The following CCSER1 variants were observed in gnomAD, a reference collection of about 807,000 sequenced individuals.
CCSER1 encodes coiled-coil serine rich protein 1, also known as serine-rich coiled-coil domain-containing protein 1.
CCSER1 carries 41 observed loss-of-function variants against 82.0 expected under a neutral mutation model. The observed-to-expected ratio is 0.50, with a 90% CI of 0.39 to 0.65. CCSER1 has a LOEUF of 0.65. CCSER1 is among the 30% of genes least tolerant of loss of function. CCSER1 has a pLI of 0.00. For synonymous variants in CCSER1, 414 were observed against 383.9 expected, an observed-to-expected ratio of 1.08 and a Z score of -0.92; for missense variants, 1,119 against 1,064.2, an observed-to-expected ratio of 1.05 and a Z score of -0.72.
chr4:91,135,212 T>G (rs1728357912), intron 10 of CCSER1, among the ~76,000 whole-genome samples: 1 of 152,184 alleles, frequency 6.6e-6, no homozygotes, highest in East Asian at 1.9e-4. Context: ...ATATCTGTGA[T>G]GAAGTACAGA....
chr4:91,155,055 C>T (rs975814866), intron 10 of CCSER1, among the ~76,000 whole-genome samples: 1 of 151,130 alleles, frequency 6.6e-6, no homozygotes, highest in African/African-American at 2.4e-5. Context: ...ATCCTAAAAC[C>T]TAGAGGCTTA....
chr4:91,301,055 A>G (rs1744625713), intron 10 of CCSER1, among the ~76,000 whole-genome samples: 1 of 151,900 alleles, frequency 6.6e-6, no homozygotes, highest in Non-Finnish European at 1.5e-5. Flanking sequence ...ATACTAGGGC[A>G]AGATGGCTTT....
chr4:90,731,764 A>C (rs1264147049), intron 7 of CCSER1, among the ~76,000 whole-genome samples: 2 of 152,200 alleles, frequency 1.3e-5, no homozygotes, highest in Non-Finnish European at 2.9e-5. Context: ...TGTAATACAA[A>C]ATGATAGTTT....
intron 7 of CCSER1, among the ~76,000 whole-genome samples, chr4:90,773,188 C>T (rs1370022785): frequency 1.3e-5 from 2 of 152,118 alleles, no homozygotes; most frequent in Non-Finnish European, 2.9e-5. Flanking sequence ...TGCGGTTAGC[C>T]GAGTTCACGC....
intron 9 of CCSER1, among the ~76,000 whole-genome samples, chr4:90,928,219 A>AT: frequency 6.6e-6 from 1 of 152,144 alleles, no homozygotes; most frequent in Middle Eastern, 3.4e-3. Flanking sequence ...ATGGGCTATA[A>AT]TTTTTCCCAT....
At chr4:90,282,810 C>T (rs1232152340) in intron 1 of CCSER1, among the ~76,000 whole-genome samples, 1 of 151,824 alleles carries the variant, frequency 6.6e-6, no homozygotes, top group Non-Finnish European at 1.5e-5. Context: ...TTATGGAGGA[C>T]CTTTATTGGT....
intron 9 of CCSER1, among the ~76,000 whole-genome samples, chr4:90,932,978 GAAAGAGAAAGAAAGAAAGAAAGAA>G (rs1561385018): frequency 1.1e-4 from 3 of 27,942 alleles, no homozygotes; most frequent in South Asian, 8.9e-4. Context: ...AAGAAAGAAA[GAAAGAGAAAGAAAGAAAGAAAGAA>G]AGAAAGAAAG....
intron 10 of CCSER1, among the ~76,000 whole-genome samples, chr4:91,212,887 T>A (rs545182130): frequency 5.9e-5 from 9 of 152,092 alleles, no homozygotes; most frequent in Non-Finnish European, 1.2e-4. Flanking sequence ...CTTGCCCACC[T>A]CCTTCTCTCC....
At chr4:90,610,571 G>A (rs957727080) in intron 5 of CCSER1, among the ~76,000 whole-genome samples, 14 of 152,050 alleles carry the variant, frequency 9.2e-5, no homozygotes, top group African/African-American at 3.4e-4. Flanking sequence ...ATCTTCAGTT[G>A]CTAGAAAAGA....
chr4:90,201,110 C>T (rs999876315), intron 1 of CCSER1, among the ~76,000 whole-genome samples: 25 of 152,146 alleles, frequency 1.6e-4, no homozygotes, highest in Non-Finnish European at 1.5e-5. Context: ...AGAGTGCATG[C>T]TTCACATGCA....
intron 6 of CCSER1, among the ~76,000 whole-genome samples, chr4:90,671,192 G>T (rs915851285): frequency 6.6e-6 from 1 of 151,986 alleles, no homozygotes. Flanking sequence ...TGAAGGTTGC[G>T]ATGGCTGTGA....
intron 6 of CCSER1, among the ~76,000 whole-genome samples, chr4:90,646,567 A>G (rs915382897): frequency 1.3e-4 from 20 of 152,206 alleles, no homozygotes; most frequent in African/African-American, 4.3e-4. Flanking sequence ...TGCATAAACC[A>G]GGAAGTATGT....
chr4:90,843,031 A>C (rs771384624), intron 8 of CCSER1, among the ~76,000 whole-genome samples: 4 of 152,186 alleles, frequency 2.6e-5, no homozygotes, highest in Non-Finnish European at 5.9e-5. Context: ...ACATCTCTTG[A>C]AAAGAGTCAG....
intron 3 of CCSER1, among the ~76,000 whole-genome samples, chr4:90,361,075 G>C (rs1745292255): frequency 6.6e-6 from 1 of 152,166 alleles, no homozygotes; most frequent in Admixed American, 6.5e-5. Flanking sequence ...AACATACTTT[G>C]AGTCTAATTT....
rs567571238 is a variant in CCSER1, at chr4:91,349,713, T to G, written c.2218-248859T>G. ...TGGAAGCAAGAGAGTTTTTCTTTTT[T>G]TTTTTCCTCTCAGGTTTTCACTGAG... On this transcript the variant is annotated intron_variant, in intron 10 of 10. Transcript: ENST00000509176. 2.0e-5 allele frequency among the ~76,000 whole-genome samples: 3 copies of G among 151,914 alleles called. No individual in the cohort carries two copies. In the South Asian group the frequency reaches 6.2e-4, roughly 32 times the overall value.
intron 10 of CCSER1, among the ~76,000 whole-genome samples, chr4:91,532,272 A>C (rs1283729897): frequency 6.6e-6 from 1 of 152,200 alleles, no homozygotes; most frequent in Non-Finnish European, 1.5e-5. Context: ...CTTTAACAAT[A>C]AAATTTTAGG....
chr4:90,491,978 C>T (rs1357297822), intron 5 of CCSER1, among the ~76,000 whole-genome samples: 1 of 152,062 alleles, frequency 6.6e-6, no homozygotes, highest in Non-Finnish European at 1.5e-5. Context: ...CTCAAATTCT[C>T]TTTTTTTGTT....
intron 6 of CCSER1, among the ~76,000 whole-genome samples, chr4:90,713,339 T>C (rs1373188947): frequency 6.6e-6 from 1 of 152,112 alleles, no homozygotes; most frequent in Non-Finnish European, 1.5e-5. Flanking sequence ...GCAGGCCTGG[T>C]AGTGATGAAT....
At chr4:90,599,897 C>T (rs1292204829) in intron 5 of CCSER1, among the ~76,000 whole-genome samples, 1 of 152,204 alleles carries the variant, frequency 6.6e-6, no homozygotes, top group Admixed American at 6.5e-5. Flanking sequence ...TGGCTCCACA[C>T]AGCCACTGCT....
Sources: gnomAD v4.1 joint callset for allele counts (sites outside exome capture counted in the v4.1 genomes callset) on GRCh38, gnomAD v4.1.1 for gene constraint, MANE v1.5 for transcripts, NCBI Gene and HGNC (gene_info 2026-07-23, HGNC 2026-07-21) for gene names.